The following TBC1D4 variants were observed in gnomAD, a reference collection of about 807,000 sequenced individuals.
The protein encoded by TBC1D4 is TBC (Tre-2, BUB2, CDC16) domain-containing protein.
Under a neutral mutation model 142.5 loss-of-function variants are expected in TBC1D4, and 121 were observed. The observed-to-expected ratio is 0.85, with a 90% CI of 0.73 to 0.99. TBC1D4 has a LOEUF of 0.99. Ranked by LOEUF, TBC1D4 falls within the 50% of genes least tolerant of loss-of-function variation. TBC1D4 has a pLI of 0.00. For synonymous variants in TBC1D4, 630 were observed against 628.2 expected (o/e 1.00, Z -0.04); for missense variants, 1,475 against 1,606.6 (o/e 0.92, Z 1.40).
chr13:75,386,540 C>T, intron 1 of TBC1D4, among the ~76,000 whole-genome samples: 1 of 151,956 alleles, frequency 6.6e-6, no homozygotes, highest in East Asian at 1.9e-4. Context: ...AGGCATCCGC[C>T]ACCAGACCTG....
chr13:75,427,518 T>C (rs2138146422), intron 1 of TBC1D4, among the ~76,000 whole-genome samples: 1 of 152,208 alleles, frequency 6.6e-6, no homozygotes, highest in East Asian at 1.9e-4. Flanking sequence ...ACCCTGTCTC[T>C]ATTTTTGAAT....
In TBC1D4 at chr13:75,362,479, CT is replaced by C; in HGVS notation, c.626del (p.Lys209ArgfsTer2). On this transcript the variant is annotated frameshift_variant, in exon 2 of 21. Coordinates refer to ENST00000377636, the MANE Select transcript of TBC1D4 (RefSeq NM_014832.5). LOFTEE classifies it high-confidence loss of function. The surrounding 1 kb of genome is among the most constrained non-coding windows in gnomAD (Gnocchi z 4.2). ...SQKFEVLYCG[K>X]VTVTHKKAPS... ...GGGCCTTCTTGTGGGTCACGGTCAC[CT>C]TTCCACAGTACAGGACTTCGAACTT... The C allele has an allele frequency of 6.2e-7, 1 of 1,614,186 alleles. No individual in the cohort carries two copies. The highest frequency in any genetic ancestry group is 8.5e-7 in the Non-Finnish European group (1 of 1,180,032).
chr13:75,402,559 A>C (rs1416400593), intron 1 of TBC1D4, among the ~76,000 whole-genome samples: 1 of 152,212 alleles, frequency 6.6e-6, no homozygotes, highest in Non-Finnish European at 1.5e-5. Flanking sequence ...CATTTAAAAG[A>C]TCATTTGTCT....
chr13:75,423,009 G>A (rs116749751), intron 1 of TBC1D4, among the ~76,000 whole-genome samples: 288 of 152,086 alleles, frequency 1.9e-3, no homozygotes, highest in African/African-American at 6.3e-3. Context: ...AATTGCATTC[G>A]CTACTAGTTA....
chr13:75,396,255 G>T (rs898177043), intron 1 of TBC1D4, among the ~76,000 whole-genome samples: 1 of 152,096 alleles, frequency 6.6e-6, no homozygotes, highest in East Asian at 1.9e-4. Flanking sequence ...TTCCAGCCAC[G>T]AATGCTGTTA....
chr13:75,462,723 TTAGAG>T (rs1355170150), intron 1 of TBC1D4, among the ~76,000 whole-genome samples: 7 of 152,094 alleles, frequency 4.6e-5, no homozygotes, highest in Non-Finnish European at 1.0e-4. Flanking sequence ...ATTACATTAA[TTAGAG>T]TAATGTCTTC....
intron 5 of TBC1D4, among the ~76,000 whole-genome samples, chr13:75,344,479 A>G (rs1447189949): frequency 6.6e-6 from 1 of 152,080 alleles, no homozygotes; most frequent in Non-Finnish European, 1.5e-5. Context: ...AACTGGAATC[A>G]CTGACTGGCG....
chr13:75,356,276 TA>T, intron 3 of TBC1D4, 25 bp from the exon 4 acceptor site: 2 of 1,457,746 alleles, frequency 1.4e-6, no homozygotes, highest in Admixed American at 1.7e-5. Flanking sequence ...AGAAGTGCAA[TA>T]AAAATGTATG....
intron 12 of TBC1D4, among the ~76,000 whole-genome samples, chr13:75,314,437 A>T (rs1878084054): frequency 2.0e-5 from 3 of 152,152 alleles, no homozygotes; most frequent in Admixed American, 1.3e-4. Flanking sequence ...ATCTTTATTT[A>T]CTCAGGCAAT....
At chr13:75,363,446 T>C (rs763534182) in intron 1 of TBC1D4, among the ~76,000 whole-genome samples, 17 of 152,212 alleles carry the variant, frequency 1.1e-4, no homozygotes, top group East Asian at 1.9e-4. Context: ...CTCACTGAGA[T>C]AGATGCATAT....
intron 1 of TBC1D4, among the ~76,000 whole-genome samples, chr13:75,410,087 T>C (rs553401174): frequency 2.6e-5 from 4 of 152,142 alleles, no homozygotes; most frequent in African/African-American, 9.7e-5. Flanking sequence ...ACTCTCAGAG[T>C]ATTGTTGTGA....
At chr13:75,471,878 G>T (rs1285168664) in intron 1 of TBC1D4, among the ~76,000 whole-genome samples, 1 of 152,052 alleles carries the variant, frequency 6.6e-6, no homozygotes, top group African/African-American at 2.4e-5. Context: ...AGGCCGAGGC[G>T]GGCGGATCAC....
chr13:75,454,210 G>A (rs1462714940), intron 1 of TBC1D4, among the ~76,000 whole-genome samples: 1 of 151,930 alleles, frequency 6.6e-6, no homozygotes, highest in Non-Finnish European at 1.5e-5. Flanking sequence ...GGGCAACACA[G>A]CAAGACCTCA....
intron 17 of TBC1D4, among the ~76,000 whole-genome samples, chr13:75,296,630 T>G (rs2195784): frequency 6.6e-6 from 1 of 151,750 alleles, no homozygotes; most frequent in Non-Finnish European, 1.5e-5. Flanking sequence ...TTCCACCTTA[T>G]AGATACCAAG....
At chr13:75,301,930 TA>T (rs1876605472) in intron 16 of TBC1D4, among the ~76,000 whole-genome samples, 1 of 152,160 alleles carries the variant, frequency 6.6e-6, no homozygotes. Flanking sequence ...CTATCTGCCC[TA>T]AAAAGTCAGT....
intron 1 of TBC1D4, among the ~76,000 whole-genome samples, chr13:75,409,681 C>T (rs1885510775): frequency 6.6e-6 from 1 of 152,168 alleles, no homozygotes; most frequent in Admixed American, 6.5e-5. Flanking sequence ...GGAACAAAAA[C>T]ACAAATCTCT....
chr13:75,409,988 A>G (rs1885547027), intron 1 of TBC1D4, among the ~76,000 whole-genome samples: 1 of 152,308 alleles, frequency 6.6e-6, no homozygotes, highest in Admixed American at 6.5e-5. Flanking sequence ...TCAGATTTTT[A>G]AATTTGTTCA....
At chr13:75,301,155 A>T (rs573250964) in intron 16 of TBC1D4, among the ~76,000 whole-genome samples, 34 of 152,292 alleles carry the variant, frequency 2.2e-4, no homozygotes, top group Non-Finnish European at 4.1e-4. Flanking sequence ...GGCCCAAATA[A>T]CATATCTGGC....
chr13:75,292,269 T>C lies in TBC1D4; in HGVS notation c.3319A>G (p.Ile1107Val). The part of the protein sequence containing the change: ...SLGFVARVFD[I>V]IFLQGTEVIF... ...ACTTCAGTTCCCTGAAGAAAAATAA[T>C]ATCTAAAAGAAGAGATATAATTTTC... Residue 1107 changes from isoleucine (I) to valine (V), a missense_variant and splice_region_variant, in exon 19 of 21, where the codon ATT becomes GTT. Ile to Val is a conservative substitution (Grantham distance 29). Around this residue, in one of 2 missense-constraint regions of TBC1D4, gnomAD observed 248 missense variants for 338.9 expected, o/e 0.73. Coordinates refer to ENST00000377636, the MANE Select transcript of TBC1D4 (RefSeq NM_014832.5). The C allele has an allele frequency of 6.2e-7, 1 of 1,610,182 alleles. No homozygotes were observed. Among genetic ancestry groups the C allele is most frequent in the Non-Finnish European group, 8.5e-7 (1 of 1,178,186 alleles).
Sources: allele counts gnomAD v4.1 joint callset (sites outside exome capture counted in the v4.1 genomes callset), GRCh38; gene constraint gnomAD v4.1.1; regional missense constraint gnomAD v4.1.1; non-coding constraint Gnocchi (gnomAD v3.1); transcripts MANE v1.5; gene names NCBI Gene and HGNC (gene_info 2026-07-23, HGNC 2026-07-21).